DYNC2I2: variants seen among roughly 807,000 people sequenced by gnomAD.
DYNC2I2 encodes the protein dynein 2 intermediate chain 2.
DYNC2I2 carries 39 observed loss-of-function variants against 52.0 expected under a neutral mutation model. The observed-to-expected ratio is 0.75, with a 90% CI of 0.58 to 0.98. DYNC2I2 has a LOEUF of 0.98. Ranked by LOEUF, DYNC2I2 falls within the 50% of genes least tolerant of loss-of-function variation. The pLI, the probability that DYNC2I2 is intolerant of heterozygous loss-of-function variation, is 0.00. For missense variants in DYNC2I2, 743 were observed against 728.4 expected, an observed-to-expected ratio of 1.02 and a Z score of -0.23; for synonymous variants, 359 against 321.1, an observed-to-expected ratio of 1.12 and a Z score of -1.26.
upstream of DYNC2I2, among the ~76,000 whole-genome samples, chr9:128,659,861 T>C (rs1004474734): frequency 6.6e-6 from 1 of 151,378 alleles, no homozygotes; most frequent in East Asian, 2.0e-4. Flanking sequence ...TGAGGCAAGA[T>C]GGCGCCATTG....
upstream of DYNC2I2, among the ~76,000 whole-genome samples, chr9:128,657,086 G>A (rs1202594333): frequency 6.6e-6 from 1 of 152,234 alleles, no homozygotes; most frequent in African/African-American, 2.4e-5. Flanking sequence ...GCGAGGTCTG[G>A]GCCTGGGAGC....
At chr9:128,680,261 A>G in the DYNC2I2 span, among the ~76,000 whole-genome samples, 1 of 151,664 alleles carries the variant, frequency 6.6e-6, no homozygotes, top group Non-Finnish European at 1.5e-5. Context: ...GGGTTTTGCC[A>G]TGTTGGCCTA....
At chr9:128,644,766 G>A (rs376014293) in intron 1 of DYNC2I2, among the ~76,000 whole-genome samples, 12 of 152,176 alleles carry the variant, frequency 7.9e-5, no homozygotes, top group Admixed American at 7.2e-4. Context: ...CAAGCCTATC[G>A]GGCCATTTTC....
chr9:128,680,584 A>T, the DYNC2I2 span, among the ~76,000 whole-genome samples: 1 of 148,230 alleles, frequency 6.7e-6, no homozygotes, highest in African/African-American at 2.5e-5. Context: ...TCACCGTGTT[A>T]GCCTGGATGG....
chr9:128,647,563 G>A (rs554745981), intron 1 of DYNC2I2, among the ~76,000 whole-genome samples: 353 of 151,962 alleles, frequency 2.3e-3, no homozygotes, highest in African/African-American at 7.9e-3. Flanking sequence ...GTAAAACCCC[G>A]TCTCTACTAA....
chr9:128,661,806 C>T (rs1860922093), upstream of DYNC2I2, among the ~76,000 whole-genome samples: 1 of 151,856 alleles, frequency 6.6e-6, no homozygotes, highest in South Asian at 2.1e-4. Flanking sequence ...TTTTGGGAGG[C>T]CGAGGTAGGC....
chr9:128,665,797 G>C, the DYNC2I2 span, among the ~76,000 whole-genome samples: 2 of 146,458 alleles, frequency 1.4e-5, no homozygotes, highest in African/African-American at 5.0e-5. Context: ...AAAAAGTCGG[G>C]CCCAGTGGCT....
chr9:128,645,616 CAAAAAAAAAA>C (rs59742854), intron 1 of DYNC2I2, among the ~76,000 whole-genome samples: 6 of 63,924 alleles, frequency 9.4e-5, no homozygotes, highest in African/African-American at 2.4e-4. Context: ...GACTCCATCT[CAAAAAAAAAA>C]AAAAAAAAAA....
At chr9:128,666,037 T>C in the DYNC2I2 span, among the ~76,000 whole-genome samples, 2 of 151,864 alleles carry the variant, frequency 1.3e-5, no homozygotes, top group Admixed American at 6.6e-5. Flanking sequence ...ATGGCACCAC[T>C]GCACTCCAGC....
chr9:128,669,689 CTTTG>C, the DYNC2I2 span, among the ~76,000 whole-genome samples: 10 of 152,218 alleles, frequency 6.6e-5, no homozygotes, highest in Non-Finnish European at 1.2e-4. Context: ...AAGAGCGTAA[CTTTG>C]TTTGAGATGG....
the DYNC2I2 span, among the ~76,000 whole-genome samples, chr9:128,671,216 T>G: frequency 6.6e-6 from 1 of 150,752 alleles, no homozygotes; most frequent in Admixed American, 6.7e-5. Context: ...GGAGGGTCAC[T>G]TGAGCCCAGG....
chr9:128,649,226 C>T (rs1370297803), intron 1 of DYNC2I2, among the ~76,000 whole-genome samples: 1 of 151,868 alleles, frequency 6.6e-6, no homozygotes, highest in South Asian at 2.1e-4. Flanking sequence ...GGGAGGCTCA[C>T]GTGAGGCCAG....
At chr9:128,670,334 G>C in the DYNC2I2 span, among the ~76,000 whole-genome samples, 1 of 151,788 alleles carries the variant, frequency 6.6e-6, no homozygotes, top group African/African-American at 2.4e-5. Flanking sequence ...CAGCTACTCG[G>C]GAGGCTAAGG....
rs1381626751 is a variant in DYNC2I2, at chr9:128,634,420, T to G, written c.1215-37A>C. On this transcript the variant is annotated intron_variant, in intron 7 of 8. Transcript: ENST00000372715. The stretch of plus-strand genomic sequence containing the variant: ...GCAGGGGGCCAGGCAAGGGAATCAG[T>G]GCTGGGGTCTGGGTGGTGCTGGCCC... The G allele has an allele frequency of 1.9e-6, 3 of 1,544,498 alleles. No individual in the cohort carries two copies. The African/African-American group carries it at 4.1e-5, about 21-fold the overall frequency.
Position 128,642,499 on chromosome 9 carries a change from A to G in DYNC2I2, c.187-1560T>C, listed in dbSNP as rs540604846. On this transcript the variant is annotated intron_variant, in intron 1 of 8. Transcript: ENST00000372715. ...AAAATTACTTATTGAGGCCGGGCGC[A>G]GTGGCTCACGCCTGTAATCCCAGCA... 3.0e-3 allele frequency among the ~76,000 whole-genome samples: 444 copies of G among 146,280 alleles called. 4 individuals carry two copies. The highest frequency in any genetic ancestry group is 0.01 in the African/African-American group (413 of 39,790).
chr9:128,669,589 T>C, the DYNC2I2 span, among the ~76,000 whole-genome samples: 1 of 152,068 alleles, frequency 6.6e-6, no homozygotes, highest in East Asian at 1.9e-4. Context: ...CCCAGCTACC[T>C]GGGAGGTTGA....
upstream of DYNC2I2, among the ~76,000 whole-genome samples, chr9:128,660,531 T>A (rs996171795): frequency 1.3e-5 from 2 of 151,612 alleles, no homozygotes; most frequent in Non-Finnish European, 2.9e-5. Flanking sequence ...GCCTCAGCCT[T>A]CAGAGTAGCG....
At chr9:128,634,492 C>G (rs2298046) in intron 7 of DYNC2I2, 109 bp from the exon 8 acceptor site, 40 of 1,430,918 alleles carry the variant, frequency 2.8e-5, no homozygotes, top group African/African-American at 1.1e-4. Context: ...AAGAGCCTCC[C>G]GGGTCCCTCA....
rs764206672 is a variant in DYNC2I2 at position 128,634,353 on chromosome 9, C to T, written c.1245G>A (p.Gly415=). Residue 415 remains glycine (G), a synonymous_variant, in exon 8 of 9, where the codon GGG becomes GGA. Coordinates refer to ENST00000372715, the MANE Select transcript of DYNC2I2 (RefSeq NM_052844.4). ...RNLFLSAGTD[G]HVHLYSMLQA... ...GCAGCATGGAGTACAGGTGGACATG[C>T]CCGTCAGTCCCAGCGCTCAGGAAGA... 6.2e-7 allele frequency: 1 copy of T among 1,604,080 alleles called. No homozygotes were observed. The highest frequency in any genetic ancestry group is 2.2e-5 in the East Asian group (1 of 44,848).
Sources: allele counts gnomAD v4.1 joint callset (sites outside exome capture counted in the v4.1 genomes callset), GRCh38; gene constraint gnomAD v4.1.1; transcripts MANE v1.5; gene names NCBI Gene and HGNC (gene_info 2026-07-23, HGNC 2026-07-21).